ENOX1: variants seen among roughly 807,000 people sequenced by gnomAD.
ENOX1 encodes ecto-NOX disulfide-thiol exchanger 1.
ENOX1 carries 42 observed loss-of-function variants against 82.5 expected under a neutral mutation model. The observed-to-expected ratio is 0.51, with a 90% CI of 0.40 to 0.66. The LOEUF is 0.66. Among genes scored for constraint, ENOX1 ranks in the 30% least tolerant of loss-of-function variants. The probability of loss-of-function intolerance (pLI) is 0.00; values close to 1 mark genes in which losing one functional copy is unlikely to be tolerated. For synonymous variants in ENOX1, 271 were observed against 282.2 expected (o/e 0.96, Z 0.40); for missense variants, 608 against 811.6 (o/e 0.75, Z 3.05).
chr13:43,681,943 G>C lies in ENOX1; in HGVS notation c.-284-14399C>G, dbSNP rs567309846. On this transcript the variant is annotated intron_variant, in intron 1 of 16. Coordinates refer to ENST00000690772, the MANE Select transcript of ENOX1 (RefSeq NM_001347969.2). ...TTGTACTCCATAAGTTTTCATATCT[G>C]TGCTCAGAATGTCCTTACTATGCTT... is the stretch of plus-strand genomic sequence containing the variant. Among the ~76,000 whole-genome samples the C allele has an allele frequency of 8.6e-5, 13 of 152,034 alleles. No individual in the cohort carries two copies. In the East Asian group the frequency reaches 2.3e-3, roughly 27 times the overall value.
At chr13:43,388,191 C>T (rs2052549936) in intron 5 of ENOX1, among the ~76,000 whole-genome samples, 1 of 152,182 alleles carries the variant, frequency 6.6e-6, no homozygotes, top group Admixed American at 6.5e-5. Flanking sequence ...CAACCCATTG[C>T]ATGAGGATGC....
At chr13:43,341,642 AAGACATGACCTGATTT>A in intron 9 of ENOX1, among the ~76,000 whole-genome samples, 1 of 152,196 alleles carries the variant, frequency 6.6e-6, no homozygotes. Context: ...TTTACTGGGG[AAGACATGACCTGATTT>A]GTATCAGATG....
At chr13:43,683,788 C>T (rs1205194872) in intron 1 of ENOX1, among the ~76,000 whole-genome samples, 3 of 152,196 alleles carry the variant, frequency 2.0e-5, no homozygotes, top group East Asian at 3.9e-4. Flanking sequence ...ACCTCCTCCT[C>T]CTGGTAGAGG....
intron 12 of ENOX1, among the ~76,000 whole-genome samples, chr13:43,275,349 G>A (rs1050053848): frequency 1.3e-5 from 2 of 152,158 alleles, no homozygotes; most frequent in Non-Finnish European, 2.9e-5. Context: ...TTCCATGAAA[G>A]TCATAGATGA....
At chr13:43,602,485 C>A (rs752369736) in intron 2 of ENOX1, among the ~76,000 whole-genome samples, 3 of 152,022 alleles carry the variant, frequency 2.0e-5, no homozygotes, top group Non-Finnish European at 4.4e-5. Context: ...TATATACACA[C>A]AATTTCCACA....
At chr13:43,573,640 C>A (rs1244518769) in intron 2 of ENOX1, among the ~76,000 whole-genome samples, 1 of 152,164 alleles carries the variant, frequency 6.6e-6, no homozygotes, top group Non-Finnish European at 1.5e-5. Context: ...CAGCACAACA[C>A]AACACTGGCA....
chr13:43,628,356 G>T (rs752236420), intron 2 of ENOX1, among the ~76,000 whole-genome samples: 2 of 152,090 alleles, frequency 1.3e-5, no homozygotes, highest in African/African-American at 2.4e-5. Context: ...TCCAGTTATT[G>T]ATGCCTTCCT....
In ENOX1 at chr13:43,714,785, C is replaced by T. The variant is rs1460645382; in HGVS notation, c.-284-47241G>A. Reference sequence around the variant, plus strand: ...TGGCTTGGTAGATCTTCCTCCATCCCTTTATTTTGAGCCTATGTGTGTCTC... The same window carrying T: ...TGGCTTGGTAGATCTTCCTCCATCCTTTTATTTTGAGCCTATGTGTGTCTC... On this transcript the variant is annotated intron_variant, in intron 1 of 16. Transcript: ENST00000690772. Among the ~76,000 whole-genome samples, 4 of 152,154 alleles carry T rather than the reference C, an allele frequency of 2.6e-5. No individual in the cohort carries two copies. The South Asian group carries it at 6.2e-4, about 24-fold the overall frequency.
chr13:43,627,803 G>A (rs1356890443), intron 2 of ENOX1, among the ~76,000 whole-genome samples: 1 of 151,628 alleles, frequency 6.6e-6, no homozygotes, highest in East Asian at 2.0e-4. Context: ...GCAGGTTTAA[G>A]GTGACTAAAT....
chr13:43,741,641 T>C (rs2089917726), intron 1 of ENOX1, among the ~76,000 whole-genome samples: 1 of 152,218 alleles, frequency 6.6e-6, no homozygotes, highest in African/African-American at 2.4e-5. Context: ...AATATACAAG[T>C]CCCTTATCAG....
At chr13:43,700,599 TG>T (rs1405574731) in intron 1 of ENOX1, among the ~76,000 whole-genome samples, 1 of 152,120 alleles carries the variant, frequency 6.6e-6, no homozygotes, top group Non-Finnish European at 1.5e-5. Flanking sequence ...CCAGGAAACT[TG>T]GTTTGGATCA....
At chr13:43,376,361 G>A (rs1429025093) in intron 5 of ENOX1, among the ~76,000 whole-genome samples, 2 of 152,170 alleles carry the variant, frequency 1.3e-5, no homozygotes, top group African/African-American at 4.8e-5. Context: ...AACTTATCCT[G>A]AGACCTCTTC....
chr13:43,541,173 G>GTTTTTGTCTTTTTTTTTTTTTTTTTTT (rs2078697290), intron 2 of ENOX1, among the ~76,000 whole-genome samples: 1 of 64,574 alleles, frequency 1.5e-5, no homozygotes, highest in Non-Finnish European at 3.2e-5. Flanking sequence ...TCTTCCCTCT[G>GTTTTTGTCTTTTTTTTTTTTTTTTTTT]TTTTTTTTTT....
chr13:43,274,821 T>C (rs916697796), intron 12 of ENOX1, among the ~76,000 whole-genome samples: 17 of 152,234 alleles, frequency 1.1e-4, no homozygotes, highest in South Asian at 6.2e-4. Context: ...TCCAGGCCAC[T>C]GATTTAATGG....
At chr13:43,576,278 T>C (rs1295732789) in intron 2 of ENOX1, among the ~76,000 whole-genome samples, 3 of 152,226 alleles carry the variant, frequency 2.0e-5, no homozygotes, top group Non-Finnish European at 2.9e-5. Context: ...CCTACTTCTG[T>C]CTTCCTACTT....
chr13:43,328,421 T>C (rs2048237327), intron 9 of ENOX1, among the ~76,000 whole-genome samples: 1 of 152,126 alleles, frequency 6.6e-6, no homozygotes, highest in Non-Finnish European at 1.5e-5. Flanking sequence ...TTTGGCATCA[T>C]TTAGAAGAGG....
intron 2 of ENOX1, among the ~76,000 whole-genome samples, chr13:43,556,342 T>C (rs192184888): frequency 6.6e-6 from 1 of 152,300 alleles, no homozygotes; most frequent in Non-Finnish European, 1.5e-5. Context: ...AGGCTTTCCC[T>C]TAAGGATACG....
intron 3 of ENOX1, among the ~76,000 whole-genome samples, chr13:43,422,493 T>G (rs1295385512): frequency 6.6e-6 from 1 of 152,188 alleles, no homozygotes; most frequent in Non-Finnish European, 1.5e-5. Flanking sequence ...GATTACATCC[T>G]CCACTTTTCT....
At chr13:43,550,067 GCA>G (rs2079126688) in intron 2 of ENOX1, among the ~76,000 whole-genome samples, 1 of 152,108 alleles carries the variant, frequency 6.6e-6, no homozygotes, top group Non-Finnish European at 1.5e-5. Context: ...TCCCTCACAA[GCA>G]CACTTCACAA....
Sources: gnomAD v4.1 joint callset for allele counts (sites outside exome capture counted in the v4.1 genomes callset) on GRCh38, gnomAD v4.1.1 for gene constraint, MANE v1.5 for transcripts, NCBI Gene and HGNC (gene_info 2026-07-23, HGNC 2026-07-21) for gene names.